APBA1: variants seen among roughly 807,000 people sequenced by gnomAD.
APBA1 encodes amyloid-beta A4 precursor protein-binding family A member 1.
APBA1 carries 55 observed loss-of-function variants against 86.6 expected under a neutral mutation model. The observed-to-expected ratio is 0.64, with a 90% CI of 0.51 to 0.80. The LOEUF is 0.80. APBA1 is among the 30% of genes least tolerant of loss of function. The pLI, the probability that APBA1 is intolerant of heterozygous loss-of-function variation, is 0.00. For synonymous variants in APBA1, 511 were observed against 493.9 expected (o/e 1.03, Z -0.46); for missense variants, 1,090 against 1,183.0 (o/e 0.92, Z 1.15).
At chr9:69,562,386 T>G (rs1396651345) in intron 1 of APBA1, among the ~76,000 whole-genome samples, 1 of 151,874 alleles carries the variant, frequency 6.6e-6, no homozygotes, top group Non-Finnish European at 1.5e-5. Context: ...TTTTCTTTTT[T>G]TTTTTTGACA....
intron 1 of APBA1, among the ~76,000 whole-genome samples, chr9:69,621,813 C>G (rs1373762379): frequency 2.0e-5 from 3 of 152,146 alleles, no homozygotes; most frequent in Non-Finnish European, 4.4e-5. Context: ...CCTCCTAAGG[C>G]AAATGTTTTG....
chr9:69,445,356 T>G (rs1019101412), intron 10 of APBA1, among the ~76,000 whole-genome samples: 1 of 152,216 alleles, frequency 6.6e-6, no homozygotes, highest in Non-Finnish European at 1.5e-5. Context: ...CAATGTTTCA[T>G]GTTGGGTCCC....
At chr9:69,671,026 C>G (rs983644705) in intron 1 of APBA1, among the ~76,000 whole-genome samples, 19 of 151,946 alleles carry the variant, frequency 1.3e-4, no homozygotes, top group Admixed American at 1.0e-3. Flanking sequence ...TAAAAGACCG[C>G]CCCCCGCCCC....
chr9:69,594,295 A>G (rs1024250657), intron 1 of APBA1, among the ~76,000 whole-genome samples: 19 of 152,198 alleles, frequency 1.2e-4, no homozygotes, highest in Admixed American at 9.8e-4. Context: ...ATGGGGCCCA[A>G]GAGTCTGCCA....
At chr9:69,576,831 A>C (rs1471117624) in intron 1 of APBA1, among the ~76,000 whole-genome samples, 1 of 152,210 alleles carries the variant, frequency 6.6e-6, no homozygotes, top group Non-Finnish European at 1.5e-5. Flanking sequence ...CGTTGTGCAC[A>C]TGTACCCTAA....
At chr9:69,440,731 CG>C (rs1834804520) in intron 11 of APBA1, among the ~76,000 whole-genome samples, 1 of 152,144 alleles carries the variant, frequency 6.6e-6, no homozygotes, top group South Asian at 2.1e-4. Flanking sequence ...TTGCGCTTCC[CG>C]GGTGAGGCGA....
At chr9:69,520,049 A>G (rs144605007) in intron 1 of APBA1, among the ~76,000 whole-genome samples, 35 of 152,320 alleles carry the variant, frequency 2.3e-4, no homozygotes, top group Non-Finnish European at 5.0e-4. Context: ...GTATTTACAC[A>G]TACAGTGTTT....
At chr9:69,611,285 G>GAAAAAAAAAAAAAAAA (rs56357426) in intron 1 of APBA1, among the ~76,000 whole-genome samples, 3 of 111,912 alleles carry the variant, frequency 2.7e-5, no homozygotes, top group Non-Finnish European at 3.5e-5. Flanking sequence ...ACCAGAAAAG[G>GAAAAAAAAAAAAAAAA]AAAAAAAAAA....
intron 5 of APBA1, chr9:69,465,431 A>G (rs889200209): frequency 6.6e-6 from 1 of 152,178 alleles, no homozygotes; most frequent in Non-Finnish European, 1.5e-5. Context: ...CTTTATACAA[A>G]ATAGGACGTG....
At chr9:69,622,602 A>T (rs1236297484) in intron 1 of APBA1, among the ~76,000 whole-genome samples, 1 of 152,138 alleles carries the variant, frequency 6.6e-6, no homozygotes, top group Non-Finnish European at 1.5e-5. Context: ...GAAACAAAGA[A>T]AGAAAAGAAA....
At chr9:69,504,343 T>C (rs1835921540) in intron 2 of APBA1, among the ~76,000 whole-genome samples, 1 of 152,114 alleles carries the variant, frequency 6.6e-6, no homozygotes, top group Non-Finnish European at 1.5e-5. Flanking sequence ...TTTGCCATAC[T>C]TGTTTTACTG....
chr9:69,658,569 A>ATTT (rs71356125), intron 1 of APBA1, among the ~76,000 whole-genome samples: 16 of 141,010 alleles, frequency 1.1e-4, no homozygotes, highest in African/African-American at 2.9e-4. Flanking sequence ...TGCCCAGCTA[A>ATTT]TTTTTTTTTT....
chr9:69,640,096 A>G (rs1823256403), intron 1 of APBA1, among the ~76,000 whole-genome samples: 1 of 152,188 alleles, frequency 6.6e-6, no homozygotes, highest in African/African-American at 2.4e-5. Flanking sequence ...AAGGGAAAAG[A>G]CAGATAACAG....
At chr9:69,635,511 T>C (rs1350161567) in intron 1 of APBA1, among the ~76,000 whole-genome samples, 1 of 151,940 alleles carries the variant, frequency 6.6e-6, no homozygotes, top group Non-Finnish European at 1.5e-5. Flanking sequence ...TAATAACATT[T>C]AATGTAAATG....
At chr9:69,491,826 G>C (rs1564054276) in intron 2 of APBA1, among the ~76,000 whole-genome samples, 1 of 149,788 alleles carries the variant, frequency 6.7e-6, no homozygotes, top group Non-Finnish European at 1.5e-5. Context: ...GTGCAGTGGT[G>C]CGATCTCAGT....
At chr9:69,671,703 C>T (rs1280854572) in intron 1 of APBA1, among the ~76,000 whole-genome samples, 1 of 152,176 alleles carries the variant, frequency 6.6e-6, no homozygotes, top group East Asian at 1.9e-4. Flanking sequence ...GTGCATCCTG[C>T]CCACCTCACC....
In APBA1 at chr9:69,516,498, T is replaced by C; in HGVS notation, c.713A>G (p.Tyr238Cys). 1 of 1,598,536 alleles carries C rather than the reference T, an allele frequency of 6.3e-7. No individual in the cohort carries two copies. The highest frequency in any genetic ancestry group is 8.5e-7 in the Non-Finnish European group (1 of 1,177,966). The change falls in exon 2 of 13, where the codon TAC becomes TGC. Residue 238 changes from tyrosine to cysteine, a missense_variant. Tyr to Cys is a radical substitution (Grantham distance 194). Around this residue, in one of 6 missense-constraint regions of APBA1, gnomAD observed 678 missense variants for 647.1 expected, o/e 1.05. Transcript: ENST00000265381. The surrounding 1 kb of genome is among the most constrained non-coding windows in gnomAD (Gnocchi z 7.3). Reference sequence around the variant, plus strand: ...GGACTCGCCGTCGGAGCGCTCGTCGTAATGGTGCAGCCGCGCGCCCAGGGC... The same window carrying C: ...GGACTCGCCGTCGGAGCGCTCGTCGCAATGGTGCAGCCGCGCGCCCAGGGC... ...QEALGARLHH[Y>C]DERSDGESDS...
intron 1 of APBA1, among the ~76,000 whole-genome samples, chr9:69,606,479 CTTTTTTTTTTT>C (rs35083481): frequency 1.2e-3 from 63 of 50,894 alleles, no homozygotes; most frequent in Middle Eastern, 0.026. Flanking sequence ...AGGGAGCTAG[CTTTTTTTTTTT>C]TTTTTTTTTT....
intron 1 of APBA1, among the ~76,000 whole-genome samples, chr9:69,638,098 T>G (rs1054174214): frequency 6.6e-6 from 1 of 152,246 alleles, no homozygotes; most frequent in African/African-American, 2.4e-5. Flanking sequence ...ACAACACATC[T>G]GATGAACAGT....
Sources: gnomAD v4.1 joint callset for allele counts (sites outside exome capture counted in the v4.1 genomes callset) on GRCh38, gnomAD v4.1.1 for gene constraint, gnomAD v4.1.1 regional missense constraint, Gnocchi (gnomAD v3.1) non-coding constraint, MANE v1.5 for transcripts, NCBI Gene and HGNC (gene_info 2026-07-23, HGNC 2026-07-21) for gene names.